The following CSMD1 variants were observed in gnomAD, a reference collection of about 807,000 sequenced individuals.
CSMD1 encodes the protein CUB and Sushi multiple domains 1, also known as CUB and sushi domain-containing protein 1.
CSMD1 carries 213 observed loss-of-function variants against 417.5 expected under a neutral mutation model. The ratio of observed to expected loss-of-function variants is 0.51; its 90% CI spans 0.46 to 0.57. The LOEUF is 0.57. Ranked by LOEUF, CSMD1 falls within the 20% of genes least tolerant of loss-of-function variation. The pLI is 0.00. For missense variants in CSMD1, 6,923 were observed against 4,529.7 expected, an observed-to-expected ratio of 1.53 and a Z score of -15.17; for synonymous variants, 2,862 against 1,736.8, an observed-to-expected ratio of 1.65 and a Z score of -16.11.
chr8:4,928,163 T>G (rs148938770), intron 1 of CSMD1, among the ~76,000 whole-genome samples: 1 of 152,090 alleles, frequency 6.6e-6, no homozygotes, highest in East Asian at 1.9e-4. Context: ...ACATAGACTT[T>G]CCCGTTGCCA....
intron 2 of CSMD1, among the ~76,000 whole-genome samples, chr8:4,496,372 T>A (rs1295841423): frequency 6.6e-6 from 1 of 152,112 alleles, no homozygotes; most frequent in African/African-American, 2.4e-5. Flanking sequence ...CAGGAGTCCA[T>A]CCTGACAGGG....
intron 3 of CSMD1, among the ~76,000 whole-genome samples, chr8:4,066,205 C>G (rs1484787310): frequency 6.6e-6 from 1 of 152,226 alleles, no homozygotes; most frequent in East Asian, 1.9e-4. Context: ...ACTGTTTCAA[C>G]TGCCAGTCAT....
chr8:3,212,493 C>T (rs1199050566), intron 30 of CSMD1, among the ~76,000 whole-genome samples: 1 of 152,132 alleles, frequency 6.6e-6, no homozygotes, highest in Non-Finnish European at 1.5e-5. Context: ...GGACTACAGG[C>T]ATGAGCCACC....
At chr8:3,781,683 G>A (rs934043695) in intron 5 of CSMD1, among the ~76,000 whole-genome samples, 5 of 152,154 alleles carry the variant, frequency 3.3e-5, no homozygotes, top group African/African-American at 9.7e-5. Context: ...TTTCCATCCT[G>A]GACTCCAGCC....
chr8:4,446,958 C>A (rs184976251), intron 2 of CSMD1, among the ~76,000 whole-genome samples: 311 of 151,586 alleles, frequency 2.1e-3, no homozygotes, highest in African/African-American at 7.1e-3. Context: ...AAACATTGGC[C>A]CTACAAAAAC....
At chr8:4,041,234 G>A (rs1312547512) in intron 3 of CSMD1, among the ~76,000 whole-genome samples, 3 of 151,920 alleles carry the variant, frequency 2.0e-5, no homozygotes, top group Admixed American at 6.5e-5. Flanking sequence ...AGCCAGGATG[G>A]TCACGATCTC....
At chr8:4,663,860 T>G (rs76249315) in intron 1 of CSMD1, among the ~76,000 whole-genome samples, 132 of 152,292 alleles carry the variant, frequency 8.7e-4, no homozygotes, top group Non-Finnish European at 1.6e-3. Context: ...TTCTCACAAA[T>G]ACCTGGGCTG....
chr8:3,276,717 C>A (rs11787412), intron 26 of CSMD1, among the ~76,000 whole-genome samples: 52,441 of 151,944 alleles, frequency 0.35, 9,143 homozygotes, highest in African/African-American at 0.38. Flanking sequence ...GAATTAAGCT[C>A]AGCTCAATTA....
intron 3 of CSMD1, among the ~76,000 whole-genome samples, chr8:4,332,769 G>T (rs1244273242): frequency 2.0e-5 from 3 of 152,030 alleles, no homozygotes; most frequent in Admixed American, 6.6e-5. Flanking sequence ...GGCATGTGAT[G>T]AATGTTCAAA....
intron 5 of CSMD1, among the ~76,000 whole-genome samples, chr8:3,855,698 G>A (rs558192356): frequency 1.4e-4 from 21 of 152,128 alleles, no homozygotes; most frequent in South Asian, 4.2e-4. Flanking sequence ...ATATAACAGC[G>A]TAACCATTTT....
intron 1 of CSMD1, among the ~76,000 whole-genome samples, chr8:4,778,888 G>C (rs1396021277): frequency 6.6e-6 from 1 of 152,132 alleles, no homozygotes; most frequent in East Asian, 1.9e-4. Context: ...TAGGACAAAA[G>C]AATAAATGAT....
chr8:3,188,045 T>C, intron 35 of CSMD1, 80 bp from the exon 36 acceptor site: 1 of 911,126 alleles, frequency 1.1e-6, no homozygotes, highest in Non-Finnish European at 1.7e-6. Flanking sequence ...TTGGGGTTTT[T>C]CATGATTAAG....
At position 3,299,229 on chromosome 8, in the gene CSMD1, A is replaced by T. The variant is rs546467787; in HGVS notation, c.3950+8466T>A. Among the ~76,000 whole-genome samples, 27 of 152,290 alleles carry T rather than the reference A, an allele frequency of 1.8e-4. 1 individual carries two copies. The East Asian group carries it at 2.7e-3, about 15-fold the overall frequency. On this transcript the variant is annotated intron_variant, in intron 25 of 69. Transcript: ENST00000635120. The stretch of plus-strand genomic sequence containing the variant: ...TATTTTGGGAGGCCGAGGTGGGTGG[A>T]TCGCCTGAGGTCAGGAGTTCGAGAC...
At chr8:4,015,151 G>A (rs372445821) in intron 4 of CSMD1, among the ~76,000 whole-genome samples, 2 of 152,086 alleles carry the variant, frequency 1.3e-5, no homozygotes, top group Non-Finnish European at 2.9e-5. Flanking sequence ...TGAAAGCTAG[G>A]TTTCTTATAT....
intron 5 of CSMD1, among the ~76,000 whole-genome samples, chr8:3,952,531 G>A (rs1039120062): frequency 1.3e-5 from 2 of 152,048 alleles, no homozygotes; most frequent in Non-Finnish European, 1.5e-5. Context: ...CTTCAGGTTT[G>A]GAAAATTTTT....
At chr8:4,480,287 T>C (rs944572772) in intron 2 of CSMD1, among the ~76,000 whole-genome samples, 11 of 152,020 alleles carry the variant, frequency 7.2e-5, no homozygotes, top group African/African-American at 2.2e-4. Flanking sequence ...ACCCCCAGGA[T>C]GAATTTGCAC....
At chr8:3,552,474 T>C (rs368306663) in intron 10 of CSMD1, among the ~76,000 whole-genome samples, 15 of 152,362 alleles carry the variant, frequency 9.8e-5, no homozygotes, top group East Asian at 9.6e-4. Flanking sequence ...TCCTCTGACC[T>C]GTGATAACTG....
Position 3,437,480 on chromosome 8 carries a change from G to C in CSMD1, c.1562-27875C>G, listed in dbSNP as rs1013857420. Among the ~76,000 whole-genome samples, 4 of 152,204 alleles carry C rather than the reference G, an allele frequency of 2.6e-5. No homozygotes were observed. In the East Asian group the frequency reaches 7.7e-4, roughly 29 times the overall value. ...TTCACATTTATTCTAATGGGACAGCGGGAAATAAGATCAACACTGGCAGCT... is the reference window on the plus strand; with the variant it reads ...TTCACATTTATTCTAATGGGACAGCCGGAAATAAGATCAACACTGGCAGCT... On this transcript the variant is annotated intron_variant, in intron 12 of 69. Transcript: ENST00000635120.
chr8:4,722,699 G>A (rs1386787619), intron 1 of CSMD1, among the ~76,000 whole-genome samples: 1 of 152,028 alleles, frequency 6.6e-6, no homozygotes, highest in African/African-American at 2.4e-5. Context: ...TTTCTAATTT[G>A]AATATGATGT....
Sources: allele counts gnomAD v4.1 joint callset (sites outside exome capture counted in the v4.1 genomes callset), GRCh38; gene constraint gnomAD v4.1.1; transcripts MANE v1.5; gene names NCBI Gene and HGNC (gene_info 2026-07-23, HGNC 2026-07-21).